Variants in ABCA1 observed in about 807,000 individuals in gnomAD.
ABCA1 encodes phospholipid-transporting ATPase ABCA1.
In ABCA1, 133 loss-of-function variants were observed where a neutral mutation model predicts 262.5. The observed-to-expected ratio is 0.51, with a 90% CI of 0.44 to 0.59. The LOEUF (loss-of-function observed/expected upper bound fraction) is 0.59, where lower values mean the gene tolerates loss of function less well. Among genes scored for constraint, ABCA1 ranks in the 20% least tolerant of loss-of-function variants. The probability of loss-of-function intolerance (pLI) is 0.00; values close to 1 mark genes in which losing one functional copy is unlikely to be tolerated. For synonymous variants in ABCA1, 1,022 were observed against 1,043.5 expected (o/e 0.98, Z 0.40); for missense variants, 2,452 against 2,777.5 (o/e 0.88, Z 2.63).
chr9:104,829,558 C>T (rs909480234), intron 14 of ABCA1, among the ~76,000 whole-genome samples: 3 of 152,174 alleles, frequency 2.0e-5, no homozygotes, highest in African/African-American at 4.8e-5. Flanking sequence ...CAGCTCTTGT[C>T]AATGTTTCAG....
rs1831365806 is a variant in ABCA1 at position 104,812,483 on chromosome 9, C to T, written c.4050+91G>A. On this transcript the variant is annotated intron_variant, in intron 28 of 49. Transcript: ENST00000374736. ...ATAAATCTGGCTCCGGCATCCATAT[C>T]TTGACCAGGATGCTATCCTGCCTTC... 2.6e-6 allele frequency: 4 copies of T among 1,550,700 alleles called. No individual in the cohort carries two copies. In the East Asian group the frequency reaches 9.0e-5, roughly 35 times the overall value.
intron 1 of ABCA1, among the ~76,000 whole-genome samples, chr9:104,915,986 T>C (rs575875156): frequency 1.3e-5 from 2 of 152,244 alleles, no homozygotes; most frequent in African/African-American, 4.8e-5. Flanking sequence ...TGGAACCAAG[T>C]GTCAGACAGC....
chr9:104,788,677 A>G, intron 44 of ABCA1, 110 bp from the exon 45 acceptor site: 4 of 1,318,484 alleles, frequency 3.0e-6, no homozygotes, highest in Non-Finnish European at 4.3e-6. Context: ...AAAGATACCA[A>G]TACATCTGCT....
chr9:104,843,856 A>T (rs970166617), intron 8 of ABCA1, among the ~76,000 whole-genome samples: 1 of 152,156 alleles, frequency 6.6e-6, no homozygotes, highest in Admixed American at 6.5e-5. Context: ...GATCAAAGGG[A>T]TCTGGAGGTG....
intron 44 of ABCA1, among the ~76,000 whole-genome samples, 153 bp downstream of exon 44, chr9:104,790,769 T>C (rs544973053): frequency 2.5e-4 from 38 of 152,360 alleles, no homozygotes; most frequent in Admixed American, 1.0e-3. Flanking sequence ...ATTGAAATCA[T>C]GGATGATTTT....
At chr9:104,803,698 C>T (rs1432565666) in intron 32 of ABCA1, among the ~76,000 whole-genome samples, 3 of 152,106 alleles carry the variant, frequency 2.0e-5, no homozygotes, top group Non-Finnish European at 4.4e-5. Flanking sequence ...ACCTCCGCCT[C>T]CCAGATTCAA....
chr9:104,796,457 C>T, intron 37 of ABCA1, 33 bp from the exon 38 acceptor site: 1 of 1,549,186 alleles, frequency 6.5e-7, no homozygotes, highest in South Asian at 1.1e-5. Context: ...CCAGTTCACC[C>T]CTAAATCAAA....
At chr9:104,886,434 T>C (rs1397762909) in intron 3 of ABCA1, among the ~76,000 whole-genome samples, 1 of 152,192 alleles carries the variant, frequency 6.6e-6, no homozygotes, top group Non-Finnish European at 1.5e-5. Context: ...CTCTGGCCTA[T>C]TGAACATTTA....
At chr9:104,809,824 C>G (rs1214524402) in intron 29 of ABCA1, among the ~76,000 whole-genome samples, 1 of 151,976 alleles carries the variant, frequency 6.6e-6, no homozygotes, top group Non-Finnish European at 1.5e-5. Flanking sequence ...TGTGTACACA[C>G]ATGTACATAC....
intron 39 of ABCA1, among the ~76,000 whole-genome samples, chr9:104,795,001 G>A (rs991454789): frequency 6.6e-6 from 1 of 152,168 alleles, no homozygotes. Flanking sequence ...GGGCATGGGA[G>A]AGGCAAAATT....
chr9:104,788,291 T>A, intron 45 of ABCA1, 135 bp downstream of exon 45: 1 of 1,293,648 alleles, frequency 7.7e-7, no homozygotes, highest in Non-Finnish European at 1.1e-6. Context: ...TGAAAGCAGA[T>A]ACAAAGAACC....
Position 104,866,568 on chromosome 9 carries a change from A to C in ABCA1, c.422-4768T>G, listed in dbSNP as rs548151912. On this transcript the variant is annotated intron_variant, in intron 5 of 49. Coordinates refer to ENST00000374736, the MANE Select transcript of ABCA1 (RefSeq NM_005502.4). ...CGCTCTTGGCTCATTGCAACCTCCA[A>C]AGCCCCAGGTTCAAGCAATTCTCCT... Among the ~76,000 whole-genome samples the C allele has an allele frequency of 1.6e-3, 249 of 151,888 alleles. 1 individual carries two copies. The highest frequency in any genetic ancestry group is 5.4e-3 in the African/African-American group (222 of 41,408).
In ABCA1 at chr9:104,845,548, G is replaced by GAGA; in HGVS notation, c.739_741dup (p.Ser247dup). 6.2e-7 allele frequency: 1 copy of GAGA among 1,613,658 alleles called. No homozygotes were observed. The highest frequency in any genetic ancestry group is 1.1e-5 in the South Asian group (1 of 91,032). On this transcript the variant is annotated inframe_insertion, in exon 8 of 50. Transcript: ENST00000374736. ...TCAGCCAGCTCCTTGCTCGGGAAGG[G>GAGA]AGATGTAGAGTTTAGTGTTCTCTGT...
At chr9:104,786,257 C>A in intron 48 of ABCA1, 41 bp downstream of exon 48, 1 of 1,478,576 alleles carries the variant, frequency 6.8e-7, no homozygotes, top group Non-Finnish European at 9.4e-7. Flanking sequence ...AATATCAAGC[C>A]TTCTCACTAG....
intron 2 of ABCA1, among the ~76,000 whole-genome samples, chr9:104,890,590 C>CA (rs775053779): frequency 0.036 from 5,048 of 138,664 alleles, 111 homozygotes; most frequent in African/African-American, 0.06. Flanking sequence ...CAAAAACAAA[C>CA]AAAAAAAAAA....
intron 25 of ABCA1, among the ~76,000 whole-genome samples, chr9:104,815,050 A>T (rs1831622066): frequency 6.6e-6 from 1 of 152,164 alleles, no homozygotes; most frequent in African/African-American, 2.4e-5. Context: ...GCGCAGAAGA[A>T]ATTTATTCTG....
At position 104,798,411 on chromosome 9, in the gene ABCA1, G is replaced by A. The variant is rs751394669; in HGVS notation, c.5121+10C>T. ...GACATCAGAAAGATACAGCAGGCCT[G>A]TGTCCTTACCATATCCCAGACAAAA... On this transcript the variant is annotated intron_variant, in intron 37 of 49. Transcript: ENST00000374736. 1 of 1,614,008 alleles carries A rather than the reference G, an allele frequency of 6.2e-7. No individual in the cohort carries two copies. Among genetic ancestry groups the A allele is most frequent in the Non-Finnish European group, 8.5e-7 (1 of 1,179,894 alleles).
At position 104,825,472 on chromosome 9, in the gene ABCA1, C is replaced by T. The variant is rs1832735665; in HGVS notation, c.2542+211G>A. 6 of 630,212 alleles carry T rather than the reference C, an allele frequency of 9.5e-6. No homozygotes were observed. The East Asian group carries it at 1.7e-4, about 17-fold the overall frequency. The allele number at this position is 630,212 out of a possible 1,614,324, so 39.0% of individuals were successfully genotyped here. On this transcript the variant is annotated intron_variant, in intron 17 of 49. Coordinates refer to ENST00000374736, the MANE Select transcript of ABCA1 (RefSeq NM_005502.4). ...TGTGTATAAAACATTTTGCATGCTG[C>T]CTGGCACACAGTTTTCAAGAAACAA...
intron 36 of ABCA1, among the ~76,000 whole-genome samples, chr9:104,798,930 G>C (rs1830113016): frequency 6.6e-6 from 1 of 152,162 alleles, no homozygotes; most frequent in African/African-American, 2.4e-5. Flanking sequence ...GCAGTAAGTT[G>C]TAAATTTTCA....
Sources: allele counts gnomAD v4.1 joint callset (sites outside exome capture counted in the v4.1 genomes callset), GRCh38; gene constraint gnomAD v4.1.1; transcripts MANE v1.5; gene names NCBI Gene and HGNC (gene_info 2026-07-23, HGNC 2026-07-21).